CDH13: variants seen among roughly 807,000 people sequenced by gnomAD.
CDH13 encodes the protein cadherin-13.
In CDH13, 24 loss-of-function variants were observed where a neutral mutation model predicts 63.8. The ratio of observed to expected loss-of-function variants is 0.38; its 90% confidence interval spans 0.27 to 0.53. CDH13 has a LOEUF of 0.53. CDH13 is among the 20% of genes least tolerant of loss of function. CDH13 has a pLI of 0.85. For synonymous variants in CDH13, 503 were observed against 355.3 expected, an observed-to-expected ratio of 1.42 and a Z score of -4.67; for missense variants, 1,049 against 903.1, an observed-to-expected ratio of 1.16 and a Z score of -2.07.
intron 5 of CDH13, among the ~76,000 whole-genome samples, chr16:83,220,411 A>G (rs2039662889): frequency 6.6e-6 from 1 of 152,198 alleles, no homozygotes; most frequent in African/African-American, 2.4e-5. Context: ...TATTCATGGT[A>G]GTCAACACGG....
intron 5 of CDH13, among the ~76,000 whole-genome samples, chr16:83,319,216 C>T (rs1019692397): frequency 4.6e-5 from 7 of 152,102 alleles, no homozygotes; most frequent in African/African-American, 1.7e-4. Context: ...TCATGTTTAC[C>T]TACTAATGTA....
intron 5 of CDH13, among the ~76,000 whole-genome samples, chr16:83,312,229 CTG>C (rs2090016849): frequency 6.6e-6 from 1 of 152,166 alleles, no homozygotes; most frequent in African/African-American, 2.4e-5. Flanking sequence ...CCGGCTCAGT[CTG>C]TGTCCATACA....
chr16:82,792,292 A>C (rs889501491), intron 1 of CDH13, among the ~76,000 whole-genome samples: 5 of 152,090 alleles, frequency 3.3e-5, no homozygotes, highest in Admixed American at 6.5e-5. Flanking sequence ...TCATTCAATC[A>C]TTTAGCACCC....
intron 5 of CDH13, among the ~76,000 whole-genome samples, chr16:83,250,488 G>T (rs1307699388): frequency 6.6e-6 from 1 of 152,136 alleles, no homozygotes; most frequent in Admixed American, 6.5e-5. Flanking sequence ...GCAGTCAGAG[G>T]CTCTGCTGAA....
chr16:83,657,058 C>A (rs1912933452), intron 8 of CDH13, among the ~76,000 whole-genome samples: 1 of 152,150 alleles, frequency 6.6e-6, no homozygotes, highest in African/African-American at 2.4e-5. Flanking sequence ...TTCACTCTTC[C>A]ATATTCTTAG....
intron 6 of CDH13, among the ~76,000 whole-genome samples, chr16:83,451,049 C>T (rs146534941): frequency 6.6e-6 from 1 of 152,236 alleles, no homozygotes; most frequent in East Asian, 1.9e-4. Flanking sequence ...TAATAAGCGC[C>T]CCCAGTGATG....
At chr16:82,841,602 G>C (rs1236546694) in intron 1 of CDH13, among the ~76,000 whole-genome samples, 1 of 152,118 alleles carries the variant, frequency 6.6e-6, no homozygotes, top group Non-Finnish European at 1.5e-5. Context: ...AACCAAAATT[G>C]TGGTGGCCCA....
chr16:83,281,508 A>G (rs2089175046), intron 5 of CDH13, among the ~76,000 whole-genome samples: 1 of 152,162 alleles, frequency 6.6e-6, no homozygotes, highest in South Asian at 2.1e-4. Flanking sequence ...TGGGGTAGCA[A>G]GTTTTGTTTC....
At chr16:82,873,130 T>C (rs1277324156) in intron 2 of CDH13, among the ~76,000 whole-genome samples, 1 of 152,048 alleles carries the variant, frequency 6.6e-6, no homozygotes, top group Non-Finnish European at 1.5e-5. Context: ...ATGAGAAGAA[T>C]CCAGTGAGGT....
At chr16:83,161,887 A>C (rs1414517027) in intron 4 of CDH13, among the ~76,000 whole-genome samples, 1 of 152,232 alleles carries the variant, frequency 6.6e-6, no homozygotes, top group African/African-American at 2.4e-5. Context: ...ACTGCAACTC[A>C]AAATGAGGTA....
intron 6 of CDH13, among the ~76,000 whole-genome samples, chr16:83,375,904 G>A (rs1199651917): frequency 6.6e-6 from 1 of 152,184 alleles, no homozygotes; most frequent in African/African-American, 2.4e-5. Context: ...CATGATACAG[G>A]TGTTGGAGAG....
At chr16:83,522,357 T>C (rs1222778449) in intron 7 of CDH13, among the ~76,000 whole-genome samples, 1 of 152,212 alleles carries the variant, frequency 6.6e-6, no homozygotes, top group Non-Finnish European at 1.5e-5. Context: ...ATTTGTGTTA[T>C]GGACTGTCAA....
chr16:83,214,379 A>T (rs1374049896), intron 4 of CDH13, among the ~76,000 whole-genome samples: 1 of 151,906 alleles, frequency 6.6e-6, no homozygotes, highest in Non-Finnish European at 1.5e-5. Flanking sequence ...AAGGAGTTCG[A>T]GATTAGCGTG....
chr16:83,523,677 C>G lies in CDH13; in HGVS notation c.960+37022C>G, dbSNP rs537453090. Among the ~76,000 whole-genome samples the G allele has an allele frequency of 9.8e-5, 15 of 152,328 alleles. No individual in the cohort carries two copies. The South Asian group carries it at 2.9e-3, about 29-fold the overall frequency. On this transcript the variant is annotated intron_variant, in intron 7 of 13. Coordinates refer to ENST00000567109, the MANE Select transcript of CDH13 (RefSeq NM_001257.5). The stretch of plus-strand genomic sequence containing the variant: ...AGTTCCCTGGCAGCTGGCTTGGGCT[C>G]TTCCTAGCGCTCAGATTCCACCTCA...
At chr16:83,525,698 G>A (rs1370274825) in intron 7 of CDH13, among the ~76,000 whole-genome samples, 2 of 152,160 alleles carry the variant, frequency 1.3e-5, no homozygotes, top group African/African-American at 4.8e-5. Context: ...CATTGCAGAT[G>A]TGATTAAGGA....
At chr16:83,427,705 G>T (rs958133718) in intron 6 of CDH13, among the ~76,000 whole-genome samples, 3 of 151,880 alleles carry the variant, frequency 2.0e-5, no homozygotes, top group African/African-American at 7.3e-5. Context: ...CCCTCGGCAG[G>T]CCTGGTGCTA....
chr16:82,728,260 G>A (rs2033207283), intron 1 of CDH13, among the ~76,000 whole-genome samples: 1 of 152,086 alleles, frequency 6.6e-6, no homozygotes, highest in South Asian at 2.1e-4. Context: ...CCCATTTCTT[G>A]TAAAAATAAA....
intron 1 of CDH13, among the ~76,000 whole-genome samples, chr16:82,639,867 C>T (rs1909171433): frequency 6.6e-6 from 1 of 152,236 alleles, no homozygotes; most frequent in Non-Finnish European, 1.5e-5. Flanking sequence ...CACTCTCTCC[C>T]TTGACAGGGT....
rs5818406 is a variant in CDH13, at chr16:82,782,551, C to CAA, written c.46-75797_46-75796dup. Among the ~76,000 whole-genome samples, 296 of 89,974 alleles carry CAA rather than the reference C, an allele frequency of 3.3e-3. 1 individual carries two copies. Among genetic ancestry groups the CAA allele is most frequent in the South Asian group, 0.013 (34 of 2,634 alleles). The allele number at this position is 89,974 out of a possible 152,430, so 59.0% of individuals were successfully genotyped here. On this transcript the variant is annotated intron_variant, in intron 1 of 13. Transcript: ENST00000567109. ...TGGGCGACAGTGCCAGACTCCATCT[C>CAA]AAAAAAAAAAAAAAATAATAATAAA...
Sources: allele counts gnomAD v4.1 joint callset (sites outside exome capture counted in the v4.1 genomes callset), GRCh38; gene constraint gnomAD v4.1.1; transcripts MANE v1.5; gene names NCBI Gene and HGNC (gene_info 2026-07-23, HGNC 2026-07-21).